GCFC2: variants seen among roughly 807,000 people sequenced by gnomAD.
GCFC2 encodes the protein GC-rich sequence DNA-binding factor 2, also known as intron Large complex component GCFC2.
A neutral mutation model predicts 99.4 loss-of-function variants in GCFC2; 102 were observed. That is an observed-to-expected ratio of 1.03 (90% confidence interval 0.87 to 1.21). The LOEUF is 1.21. Among genes scored for constraint, GCFC2 ranks in the 50% most tolerant of loss-of-function variants. The pLI, the probability that GCFC2 is intolerant of heterozygous loss-of-function variation, is 0.00. For synonymous variants in GCFC2, 338 were observed against 316.8 expected (o/e 1.07, Z -0.71); for missense variants, 973 against 920.9 (o/e 1.06, Z -0.73).
chr2:75,667,242 G>A (rs1385916192), intron 15 of GCFC2, among the ~76,000 whole-genome samples: 10 of 152,026 alleles, frequency 6.6e-5, no homozygotes, highest in Admixed American at 5.2e-4. Flanking sequence ...TTATAGTAAC[G>A]GGTTCTTGGA....
At chr2:75,688,953 C>T in intron 10 of GCFC2, 73 bp downstream of exon 10, 1 of 826,640 alleles carries the variant, frequency 1.2e-6, no homozygotes, top group Non-Finnish European at 2.0e-6. Flanking sequence ...GTATTTAATG[C>T]CTAACACAAT....
intron 16 of GCFC2, among the ~76,000 whole-genome samples, chr2:75,665,318 T>G (rs1413498649): frequency 1.3e-5 from 2 of 152,052 alleles, no homozygotes; most frequent in African/African-American, 4.8e-5. Context: ...GCCTAGCTAA[T>G]TTTTAAATTT....
rs1439801117 is a variant in GCFC2 at position 75,694,230 on chromosome 2, T to C, written c.1020+11A>G. On this transcript the variant is annotated intron_variant, in intron 6 of 16. Transcript: ENST00000321027. ...AAAAAGGAAATGATATAAATAAATA[T>C]TGATATGTACCTTTTCATTAAGGCA... The C allele has an allele frequency of 2.9e-6, 2 of 698,602 alleles. No homozygotes were observed. Among genetic ancestry groups the C allele is most frequent in the Admixed American group, 2.6e-5 (1 of 38,578 alleles). 43.3% of individuals were successfully genotyped at this position (698,602 alleles called of 1,614,324 possible).
At position 75,673,485 on chromosome 2, in the gene GCFC2, C is replaced by CT; in HGVS notation, c.1847dup (p.Ala617GlyfsTer5). The CT allele has an allele frequency of 7.0e-7, 1 of 1,418,772 alleles. No homozygotes were observed. Among genetic ancestry groups the CT allele is most frequent in the Non-Finnish European group, 1.0e-6 (1 of 1,002,282 alleles). The allele number at this position is 1,418,772 out of a possible 1,614,324, so 87.9% of individuals were successfully genotyped here. On this transcript the variant is annotated frameshift_variant, in exon 13 of 17. Coordinates refer to ENST00000321027, the MANE Select transcript of GCFC2 (RefSeq NM_003203.5). LOFTEE classifies it high-confidence loss of function. Reference sequence around the variant, plus strand: ...GAATAAAAACATCATCTTCTACTGCCTTTTTCATTCTTGAAACAATGGATT... The same window carrying CT: ...GAATAAAAACATCATCTTCTACTGCCTTTTTTCATTCTTGAAACAATGGATT...
At chr2:75,702,146 T>C in intron 3 of GCFC2, 53 bp downstream of exon 3, 1 of 1,552,822 alleles carries the variant, frequency 6.4e-7, no homozygotes, top group Non-Finnish European at 8.8e-7. Flanking sequence ...GATTCTCTCA[T>C]ATTATATTCT....
upstream of GCFC2, among the ~76,000 whole-genome samples, chr2:75,711,637 TG>T (rs532965959): frequency 3.3e-4 from 51 of 152,310 alleles, no homozygotes; most frequent in African/African-American, 1.2e-3. Flanking sequence ...GAGTTCCGGG[TG>T]GGCATGGGCT....
intron 1 of GCFC2, among the ~76,000 whole-genome samples, chr2:75,709,205 C>A (rs1681004460): frequency 1.3e-5 from 2 of 152,066 alleles, no homozygotes; most frequent in Non-Finnish European, 2.9e-5. Flanking sequence ...GAAACAAAAG[C>A]TCTTTGGAAT....
At chr2:75,712,550 C>A (rs1681229967), upstream of GCFC2, among the ~76,000 whole-genome samples, 2 of 152,132 alleles carry the variant, frequency 1.3e-5, no homozygotes, top group African/African-American at 2.4e-5. Flanking sequence ...AAGCAGGCTG[C>A]CCCAGCCAGC....
intron 3 of GCFC2, 123 bp downstream of exon 3, chr2:75,702,076 A>T (rs1680620065): frequency 1.4e-6 from 2 of 1,463,608 alleles, no homozygotes; most frequent in Non-Finnish European, 1.8e-6. Flanking sequence ...GACCAAATCG[A>T]TGTTAAAAAC....
rs1267394264 is a variant in GCFC2 at position 75,710,720 on chromosome 2, G to C, written c.136C>G (p.Pro46Ala). ...PVPGSAEEEP[P>A]SGGGRAQVAG... ...ACCTGCGCGCGGCCTCCTCCAGAGG[G>C]CGGCTCTTCCTCCGCAGAACCCGGG... Residue 46 changes from proline (P) to alanine (A), a missense_variant, in exon 1 of 17, where the codon CCC (proline) becomes GCC (alanine). Coordinates refer to ENST00000321027, the MANE Select transcript of GCFC2 (RefSeq NM_003203.5). 1 of 1,552,138 alleles carries C rather than the reference G, an allele frequency of 6.4e-7. No individual in the cohort carries two copies. Among genetic ancestry groups the C allele is most frequent in the Admixed American group, 1.8e-5 (1 of 54,266 alleles).
At position 75,690,694 on chromosome 2, in the gene GCFC2, T is replaced by C. The variant is rs751161501; in HGVS notation, c.1170A>G (p.Gly390=). ...GAGTTTTTTCATCTACTGAGAAGTTTCCACTTGTGGATGTCTCATCTTTGC... is the reference window on the plus strand; with the variant it reads ...GAGTTTTTTCATCTACTGAGAAGTTCCCACTTGTGGATGTCTCATCTTTGC... ...LSRKDETSTS[G]NFSVDEKTQW... Residue 390 remains glycine (G), a synonymous_variant, in exon 8 of 17, where the codon GGA becomes GGG. Transcript: ENST00000321027. 60 of 1,562,182 alleles carry C rather than the reference T, an allele frequency of 3.8e-5. No homozygotes were observed. Among genetic ancestry groups the C allele is most frequent in the Non-Finnish European group, 5.2e-5 (59 of 1,137,692 alleles).
At chr2:75,693,290 A>G (rs1680169254) in intron 6 of GCFC2, among the ~76,000 whole-genome samples, 1 of 151,866 alleles carries the variant, frequency 6.6e-6, no homozygotes, top group East Asian at 1.9e-4. Flanking sequence ...AATACAAAAC[A>G]TTAGCTGGGT....
intron 11 of GCFC2, among the ~76,000 whole-genome samples, chr2:75,685,275 C>A (rs148390462): frequency 3.8e-4 from 58 of 152,290 alleles, no homozygotes; most frequent in African/African-American, 1.3e-3. Context: ...TCCCTCCTAT[C>A]TTTTACAACA....
intron 8 of GCFC2, 119 bp downstream of exon 8, chr2:75,690,518 CT>C: frequency 1.5e-6 from 1 of 658,092 alleles, no homozygotes; most frequent in Non-Finnish European, 2.6e-6. Flanking sequence ...TTCTATTATT[CT>C]TACAAATTAA....
chr2:75,689,397 T>C (rs542519826), intron 9 of GCFC2, among the ~76,000 whole-genome samples, 172 bp from the exon 10 acceptor site: 2 of 152,252 alleles, frequency 1.3e-5, no homozygotes, highest in East Asian at 1.9e-4. Flanking sequence ...TCAACACTAA[T>C]AGAAGTTACC....
chr2:75,671,366 A>C (rs530067052), intron 14 of GCFC2, among the ~76,000 whole-genome samples: 2 of 152,182 alleles, frequency 1.3e-5, no homozygotes, highest in Non-Finnish European at 2.9e-5. Context: ...CTGTCTCCTG[A>C]AATTCAGACT....
At chr2:75,691,155 T>C (rs903768005) in intron 7 of GCFC2, among the ~76,000 whole-genome samples, 3 of 152,198 alleles carry the variant, frequency 2.0e-5, no homozygotes, top group Non-Finnish European at 4.4e-5. Flanking sequence ...CCAAACCCTA[T>C]TTGTTTTTTC....
intron 11 of GCFC2, 119 bp from the exon 12 acceptor site, chr2:75,680,433 G>A: frequency 2.9e-6 from 2 of 695,990 alleles, no homozygotes; most frequent in Non-Finnish European, 4.7e-6. Flanking sequence ...TAAGTTCCAT[G>A]GCCAATTATT....
chr2:75,666,779 G>GA (rs902224112), intron 15 of GCFC2, among the ~76,000 whole-genome samples: 1 of 151,034 alleles, frequency 6.6e-6, no homozygotes, highest in Non-Finnish European at 1.5e-5. Flanking sequence ...GGGGAGAAAG[G>GA]AAAAAAACTT....
Sources: gnomAD v4.1 joint callset for allele counts (sites outside exome capture counted in the v4.1 genomes callset) on GRCh38, gnomAD v4.1.1 for gene constraint, MANE v1.5 for transcripts, NCBI Gene and HGNC (gene_info 2026-07-23, HGNC 2026-07-21) for gene names.